Variants in HOOK2 observed in about 807,000 individuals in gnomAD.
The protein encoded by HOOK2 is hook microtubule tethering protein 2.
A neutral mutation model predicts 111.9 loss-of-function variants in HOOK2; 108 were observed. The ratio of observed to expected loss-of-function variants is 0.96; its 90% CI spans 0.83 to 1.13. HOOK2 has a LOEUF of 1.13. Ranked by LOEUF, HOOK2 falls within the 50% of genes most tolerant of loss-of-function variation. HOOK2 has a pLI of 0.00. For missense variants in HOOK2, 978 were observed against 951.3 expected, an observed-to-expected ratio of 1.03 and a Z score of -0.37; for synonymous variants, 405 against 394.3, an observed-to-expected ratio of 1.03 and a Z score of -0.32.
chr19:12,777,253 T>G (rs528256169), upstream of HOOK2, among the ~76,000 whole-genome samples: 12 of 152,132 alleles, frequency 7.9e-5, no homozygotes, highest in Admixed American at 2.6e-4. Context: ...GAGGGAGGAC[T>G]GCTTGAACCC....
upstream of HOOK2, among the ~76,000 whole-genome samples, chr19:12,777,098 A>C (rs936719843): frequency 2.0e-5 from 3 of 151,916 alleles, no homozygotes; most frequent in African/African-American, 7.3e-5. Flanking sequence ...CGGAGGTTGC[A>C]GTGAGCCGAG....
chr19:12,791,824 C>G lies in HOOK2; in HGVS notation n.42-17599G>C, dbSNP rs953847426. On this transcript the variant is annotated intron_variant and non_coding_transcript_variant, in intron 3 of 3. Transcript: ENST00000589765. The surrounding 1 kb of genome is among the most constrained non-coding windows in gnomAD (Gnocchi z 7.0). ...TACCACGACGACTCATACACAGCTA[C>G]GGGATACGGCCGGGCCCCTGGTGGC... is the stretch of plus-strand genomic sequence containing the variant. 6.2e-7 allele frequency: 1 copy of G among 1,613,624 alleles called. No homozygotes were observed. The highest frequency in any genetic ancestry group is 1.1e-5 in the South Asian group (1 of 91,066).
chr19:12,791,163 C>A lies in HOOK2; in HGVS notation n.42-16938G>T, dbSNP rs554198829. On this transcript the variant is annotated intron_variant and non_coding_transcript_variant, in intron 3 of 3. Coordinates refer to the HOOK2 transcript ENST00000589765. This position sits in a 1 kb window ranked among gnomAD's most constrained non-coding sequence, Gnocchi z 7.0. ...CACCCCACTTGCTGCGTACCAGGTCCTGGTATTTGTCCCAGTGGACTCCAG... is the reference window on the plus strand; with the variant it reads ...CACCCCACTTGCTGCGTACCAGGTCATGGTATTTGTCCCAGTGGACTCCAG... Among the ~76,000 whole-genome samples the A allele has an allele frequency of 6.6e-6, 1 of 152,330 alleles. No homozygotes were observed. The highest frequency in any genetic ancestry group is 1.5e-5 in the Non-Finnish European group (1 of 68,034).
At chr19:12,776,232 G>A (rs1968505396), upstream of HOOK2, among the ~76,000 whole-genome samples, 1 of 151,854 alleles carries the variant, frequency 6.6e-6, no homozygotes, top group Admixed American at 6.6e-5. Flanking sequence ...TGCGGGGAGG[G>A]GCGAGCCCTG....
chr19:12,765,758 T>C, intron 17 of HOOK2, 34 bp from the exon 18 acceptor site: 1 of 1,614,146 alleles, frequency 6.2e-7, no homozygotes, highest in Non-Finnish European at 8.5e-7. Context: ...GAGTGGGGGA[T>C]CCAGAGAGGC....
chr19:12,767,404 G>C lies in HOOK2; in HGVS notation c.1364C>G (p.Ala455Gly). The C allele has an allele frequency of 1.9e-6, 3 of 1,613,816 alleles. No homozygotes were observed. The highest frequency in any genetic ancestry group is 2.5e-6 in the Non-Finnish European group (3 of 1,179,764). ...AGTGACCCCAGGATACCTGAGCTCC[G>C]CAGGCAGGATCTCTGCGGCTAAGTT... ...VDNLAAEILP[A>G]ELRETLLRLQ... The change falls in exon 14 of 23, where the codon GCG becomes GGG. Residue 455 changes from alanine (A) to glycine (G), a missense_variant. This residue lies in a region of HOOK2 where 388 missense variants were observed against 358.3 expected (regional missense o/e 1.08). Transcript: ENST00000397668.
In HOOK2 at chr19:12,791,733, C is replaced by T. The variant is rs775843044; in HGVS notation, n.42-17508G>A. 2.7e-6 allele frequency: 4 copies of T among 1,485,402 alleles called. No homozygotes were observed. The East Asian group carries it at 9.2e-5, about 34-fold the overall frequency. 92.0% of individuals were successfully genotyped at this position (1,485,402 alleles called of 1,614,324 possible). On this transcript the variant is annotated intron_variant and non_coding_transcript_variant, in intron 3 of 3. Transcript: ENST00000589765. This position sits in a 1 kb window ranked among gnomAD's most constrained non-coding sequence, Gnocchi z 7.0. ...CTCGCTGCAGCGAGGCCCGGAGCGG[C>T]CCCGCAGGGACCCTCCCCAGACCGC... is the stretch of plus-strand genomic sequence containing the variant.
chr19:12,787,194 T>G (rs1164536594), intron 3 of HOOK2: 1 of 152,522 alleles, frequency 6.6e-6, no homozygotes, highest in Non-Finnish European at 1.5e-5. Context: ...GAGTCCAGTG[T>G]CAAGATCATG....
upstream of HOOK2, among the ~76,000 whole-genome samples, chr19:12,777,793 T>C (rs937486500): frequency 6.6e-6 from 1 of 152,236 alleles, no homozygotes; most frequent in Non-Finnish European, 1.5e-5. Flanking sequence ...GCGCCCGCCC[T>C]GAAACCCCGG....
upstream of HOOK2, among the ~76,000 whole-genome samples, chr19:12,780,560 G>A (rs1202383007): frequency 2.0e-4 from 29 of 142,896 alleles, no homozygotes. Context: ...GTTTCACCGT[G>A]TTAGCCAGGA....
rs976096908 is a variant in HOOK2 at position 12,767,824 on chromosome 19, G to T, written c.1295C>A (p.Thr432Asn). The T allele has an allele frequency of 1.9e-6, 3 of 1,602,376 alleles. No individual in the cohort carries two copies. In the African/African-American group the frequency reaches 4.0e-5, roughly 21 times the overall value. Residue 432 changes from threonine (T) to asparagine (N), a missense_variant, in exon 13 of 23, where the codon ACC becomes AAC. Thr to Asn is a moderately conservative substitution (Grantham distance 65). Around this residue, in one of 5 missense-constraint regions of HOOK2, gnomAD observed 388 missense variants for 358.3 expected, o/e 1.08. Coordinates refer to ENST00000397668, the MANE Select transcript of HOOK2 (RefSeq NM_013312.3). ...ATGGGGCTTCATCTCACCGGCCTGG[G>T]TCAACCCCCGCGGCTGCAGCTGGGC... ...RCAQLQPRGL[T>N]QADPSLDPTS...
intron 20 of HOOK2, 132 bp from the exon 21 acceptor site, chr19:12,763,910 T>C (rs1010878093): frequency 4.6e-6 from 3 of 654,762 alleles, no homozygotes; most frequent in Non-Finnish European, 7.9e-6. Flanking sequence ...CAGGATGGTC[T>C]TGAACTCCTG....
In HOOK2 at chr19:12,763,449, G is replaced by A. The variant is rs1665422576; in HGVS notation, c.2011-18C>T. The A allele has an allele frequency of 1.9e-6, 3 of 1,613,512 alleles. No homozygotes were observed. The highest frequency in any genetic ancestry group is 1.7e-5 in the Admixed American group (1 of 60,014). On this transcript the variant is annotated intron_variant, in intron 22 of 22. Transcript: ENST00000397668. The stretch of plus-strand genomic sequence containing the variant: ...GCCATGCCCTTCAGGAGGAGGTGTG[G>A]TTGGGGTCAGGTGAGCTCACAGGAC...
At chr19:12,789,223 G>C (rs946690065) in intron 3 of HOOK2, among the ~76,000 whole-genome samples, 4 of 151,908 alleles carry the variant, frequency 2.6e-5, no homozygotes, top group Non-Finnish European at 5.9e-5. Flanking sequence ...CAGAGACAGA[G>C]ACAGAGACAC....
intron 14 of HOOK2, chr19:12,766,747 C>G (rs1177303776): frequency 1.3e-5 from 2 of 156,462 alleles, no homozygotes; most frequent in Non-Finnish European, 2.8e-5. Context: ...CCACACCCGG[C>G]TAATTTTTTG....
intron 1 of HOOK2, 144 bp downstream of exon 1, chr19:12,775,261 C>T (rs1166878888): frequency 1.6e-5 from 23 of 1,452,474 alleles, no homozygotes; most frequent in Admixed American, 2.6e-5. Flanking sequence ...GGGGCGGGTG[C>T]TCGGGCCAGA....
chr19:12,774,827 T>C lies in HOOK2; in HGVS notation c.116A>G (p.Tyr39Cys). 2 of 1,614,116 alleles carry C rather than the reference T, an allele frequency of 1.2e-6. No individual in the cohort carries two copies. Among genetic ancestry groups the C allele is most frequent in the Non-Finnish European group, 1.7e-6 (2 of 1,180,004 alleles). ...CTCCACTCACATCTGGTTCAGCACA[T>C]AGGCTACGGCAAGGCCGCTGCTCAG... ...QDLSSGLAVA[Y>C]VLNQIDPSWF... The change falls in exon 2 of 23, where the codon TAT (tyrosine) becomes TGT (cysteine). Residue 39 changes from tyrosine (Y) to cysteine (C), a missense_variant. By Grantham distance (194) the Tyr-to-Cys change is radical. Coordinates refer to ENST00000397668, the MANE Select transcript of HOOK2 (RefSeq NM_013312.3).
chr19:12,772,185 C>G lies in HOOK2; in HGVS notation c.519+5G>C, dbSNP rs1479271490. The stretch of plus-strand genomic sequence containing the variant: ...CCTGGAACACCTTTCCCCCAAATCT[C>G]TTACCTGGCTGTCAAAGTTGCCATA... On this transcript the variant is annotated splice_donor_5th_base_variant and intron_variant, in intron 7 of 22. Coordinates refer to ENST00000397668, the MANE Select transcript of HOOK2 (RefSeq NM_013312.3). 6.2e-7 allele frequency: 1 copy of G among 1,608,864 alleles called. No homozygotes were observed. Among genetic ancestry groups the G allele is most frequent in the Admixed American group, 1.7e-5 (1 of 60,014 alleles).
intron 6 of HOOK2, 50 bp from the exon 7 acceptor site, chr19:12,772,302 C>G: frequency 6.3e-7 from 1 of 1,577,774 alleles, no homozygotes; most frequent in Admixed American, 1.7e-5. Flanking sequence ...TGAGGCCAGC[C>G]TTCAAAGTAT....
Sources: gnomAD v4.1 joint callset for allele counts (sites outside exome capture counted in the v4.1 genomes callset) on GRCh38, gnomAD v4.1.1 for gene constraint, gnomAD v4.1.1 regional missense constraint, Gnocchi (gnomAD v3.1) non-coding constraint, MANE v1.5 for transcripts, NCBI Gene and HGNC (gene_info 2026-07-23, HGNC 2026-07-21) for gene names.